The following RIC1 variants were observed in gnomAD, a reference collection of about 807,000 sequenced individuals.
RIC1 encodes the protein guanine nucleotide exchange factor subunit RIC1.
A neutral mutation model predicts 169.0 loss-of-function variants in RIC1; 88 were observed. The ratio of observed to expected loss-of-function variants is 0.52; its 90% CI spans 0.44 to 0.62. RIC1 has a LOEUF of 0.62. RIC1 is among the 20% of genes least tolerant of loss of function. The probability of loss-of-function intolerance (pLI) is 0.00; values close to 1 mark genes in which losing one functional copy is unlikely to be tolerated. For synonymous variants in RIC1, 790 were observed against 601.5 expected, an observed-to-expected ratio of 1.31 and a Z score of -4.59; for missense variants, 1,877 against 1,725.5, an observed-to-expected ratio of 1.09 and a Z score of -1.56.
intron 2 of RIC1, among the ~76,000 whole-genome samples, chr9:5,673,537 T>TAC (rs1387450724): frequency 7.3e-6 from 1 of 136,664 alleles, no homozygotes; most frequent in Non-Finnish European, 1.5e-5. Flanking sequence ...CATAAGGAGA[T>TAC]ATATATATAT....
At chr9:5,684,920 C>G (rs1205073075) in intron 2 of RIC1, among the ~76,000 whole-genome samples, 2 of 152,140 alleles carry the variant, frequency 1.3e-5, no homozygotes, top group Non-Finnish European at 2.9e-5. Flanking sequence ...TGTATTCAGA[C>G]TGTCATGGTT....
intron 3 of RIC1, among the ~76,000 whole-genome samples, chr9:5,698,319 G>T (rs966470387): frequency 3.3e-5 from 5 of 152,074 alleles, no homozygotes; most frequent in African/African-American, 1.2e-4. Flanking sequence ...TTTGATTTTT[G>T]GTTTTTACCA....
intron 2 of RIC1, among the ~76,000 whole-genome samples, chr9:5,682,653 C>G (rs1048938648): frequency 2.6e-5 from 4 of 152,060 alleles, no homozygotes; most frequent in Non-Finnish European, 4.4e-5. Flanking sequence ...TTGCTCTTCT[C>G]AAGGAGTATC....
At chr9:5,694,908 T>C (rs754991228) in intron 3 of RIC1, among the ~76,000 whole-genome samples, 6 of 151,920 alleles carry the variant, frequency 3.9e-5, no homozygotes, top group Non-Finnish European at 8.8e-5. Context: ...AAGTATTGAA[T>C]TTTGTCCAGC....
Position 5,686,943 on chromosome 9 carries a change from G to C in RIC1, c.253-3016G>C, listed in dbSNP as rs577351236. 2.0e-5 allele frequency among the ~76,000 whole-genome samples: 3 copies of C among 152,140 alleles called. No homozygotes were observed. In the East Asian group the frequency reaches 5.8e-4, roughly 29 times the overall value. Reference sequence around the variant, plus strand: ...GATATTATTTATTTCTTAAAGAGTTGGTAGAATTTACCAGTGATGCTGTCT... The same window carrying C: ...GATATTATTTATTTCTTAAAGAGTTCGTAGAATTTACCAGTGATGCTGTCT... On this transcript the variant is annotated intron_variant, in intron 2 of 25. Coordinates refer to ENST00000414202, the MANE Select transcript of RIC1 (RefSeq NM_020829.4).
chr9:5,748,999 T>A (rs1563947837), intron 12 of RIC1, among the ~76,000 whole-genome samples: 2 of 152,172 alleles, frequency 1.3e-5, no homozygotes, highest in East Asian at 3.8e-4. Flanking sequence ...GATTGTTTTG[T>A]ACTGCTGAAA....
intron 3 of RIC1, among the ~76,000 whole-genome samples, chr9:5,703,401 A>G (rs919141656): frequency 6.6e-6 from 1 of 152,214 alleles, no homozygotes; most frequent in African/African-American, 2.4e-5. Flanking sequence ...GTTTTGTACA[A>G]CTATCACAAT....
At chr9:5,772,494 A>G in intron 23 of RIC1, 70 bp from the exon 24 acceptor site, 1 of 1,246,138 alleles carries the variant, frequency 8.0e-7, no homozygotes, top group Non-Finnish European at 1.1e-6. Context: ...GGAACAGCTA[A>G]TATTTAAAAT....
chr9:5,742,990 T>A lies in RIC1; in HGVS notation c.1023T>A (p.Ile341=), dbSNP rs1222170448. 6.2e-7 allele frequency: 1 copy of A among 1,610,980 alleles called. No homozygotes were observed. Among genetic ancestry groups the A allele is most frequent in the East Asian group, 2.2e-5 (1 of 44,806 alleles). ...SLWSVFGAQL[I]CTLGGDFAYR... Reference sequence around the variant, plus strand: ...GGAGTGTTTTTGGAGCACAGCTGATTTGTACACTTGGAGGAGATTTTGCGT... The same window carrying A: ...GGAGTGTTTTTGGAGCACAGCTGATATGTACACTTGGAGGAGATTTTGCGT... The change falls in exon 9 of 26, where the codon ATT becomes ATA. Residue 341 remains isoleucine, a synonymous_variant. Transcript: ENST00000414202.
At chr9:5,663,155 T>A (rs1324074052) in intron 2 of RIC1, among the ~76,000 whole-genome samples, 1 of 152,232 alleles carries the variant, frequency 6.6e-6, no homozygotes, top group East Asian at 1.9e-4. Context: ...AATTTCTTAA[T>A]TCTTCTGAGT....
intron 3 of RIC1, 154 bp from the exon 4 acceptor site, chr9:5,713,742 A>G (rs1355157803): frequency 6.0e-6 from 3 of 501,936 alleles, no homozygotes; most frequent in African/African-American, 5.9e-5. Flanking sequence ...GTCTGCTATA[A>G]TAGAATTTAA....
chr9:5,672,246 A>G lies in RIC1; in HGVS notation c.252+15556A>G, dbSNP rs905544039. Among the ~76,000 whole-genome samples the G allele has an allele frequency of 2.6e-5, 4 of 152,208 alleles. No homozygotes were observed. In the South Asian group the frequency reaches 6.2e-4, roughly 24 times the overall value. ...AGGTGGCTAATGGAACACAGCAAAG[A>G]AAAAAACCACTAAGGGAGCTCATTA... On this transcript the variant is annotated intron_variant, in intron 2 of 25. Transcript: ENST00000414202.
At chr9:5,675,693 T>C (rs1165668734) in intron 2 of RIC1, among the ~76,000 whole-genome samples, 1 of 150,576 alleles carries the variant, frequency 6.6e-6, no homozygotes, top group Non-Finnish European at 1.5e-5. Flanking sequence ...CTAGTGGGAA[T>C]TTTAGGGGGG....
intron 3 of RIC1, among the ~76,000 whole-genome samples, chr9:5,699,084 G>A (rs1254510163): frequency 6.6e-6 from 1 of 152,134 alleles, no homozygotes; most frequent in Non-Finnish European, 1.5e-5. Context: ...AAAATTCCAA[G>A]TATTAACAAA....
At chr9:5,696,805 G>A (rs1043333606) in intron 3 of RIC1, among the ~76,000 whole-genome samples, 1 of 152,172 alleles carries the variant, frequency 6.6e-6, no homozygotes, top group Non-Finnish European at 1.5e-5. Context: ...ATTATCCATT[G>A]TCTGATTTTT....
At chr9:5,658,999 T>G (rs538865777) in intron 2 of RIC1, among the ~76,000 whole-genome samples, 4 of 152,182 alleles carry the variant, frequency 2.6e-5, no homozygotes, top group Admixed American at 2.6e-4. Flanking sequence ...GATGAAAATT[T>G]GCACTCAATT....
intron 1 of RIC1, among the ~76,000 whole-genome samples, chr9:5,652,026 T>G (rs867979873): frequency 6.6e-6 from 1 of 152,242 alleles, no homozygotes; most frequent in Non-Finnish European, 1.5e-5. Flanking sequence ...CAGTTGGCTG[T>G]AAAAGCATGG....
rs1259537757 is a variant in RIC1, at chr9:5,712,883, TTAAG to T, written c.333-1006_333-1003del. ...TTTAGTCATTTAGACTTAGAAGGAA[TTAAG>T]TAAGTACTCCAGTTCATAGTAGTAG... On this transcript the variant is annotated intron_variant, in intron 3 of 25. Transcript: ENST00000414202. 3.3e-5 allele frequency: 5 copies of T among 152,122 alleles called. No individual in the cohort carries two copies. In the East Asian group the frequency reaches 9.6e-4, roughly 29 times the overall value. 9.4% of individuals were successfully genotyped at this position (152,122 alleles called of 1,614,324 possible).
chr9:5,640,571 CA>C (rs1413372171), intron 1 of RIC1, among the ~76,000 whole-genome samples: 1 of 152,084 alleles, frequency 6.6e-6, no homozygotes, highest in Admixed American at 6.5e-5. Flanking sequence ...AAATAAGAAT[CA>C]TTGTTAGGTT....
Sources: gnomAD v4.1 joint callset for allele counts (sites outside exome capture counted in the v4.1 genomes callset) on GRCh38, gnomAD v4.1.1 for gene constraint, MANE v1.5 for transcripts, NCBI Gene and HGNC (gene_info 2026-07-23, HGNC 2026-07-21) for gene names.